The following TMEM232 variants were observed in gnomAD, a reference collection of about 807,000 sequenced individuals.
The protein encoded by TMEM232 is transmembrane protein 232.
TMEM232 carries 80 observed loss-of-function variants against 78.8 expected under a neutral mutation model. That is an observed-to-expected ratio of 1.01 (90% CI 0.85 to 1.22). TMEM232 has a LOEUF of 1.22. TMEM232 is among the 50% of genes most tolerant of loss of function. TMEM232 has a pLI of 0.00. For missense variants in TMEM232, 881 were observed against 742.2 expected (o/e 1.19, Z -2.17); for synonymous variants, 297 against 254.3 (o/e 1.17, Z -1.60).
chr5:110,631,021 A>C (rs1785054469), intron 5 of TMEM232, among the ~76,000 whole-genome samples: 1 of 152,080 alleles, frequency 6.6e-6, no homozygotes, highest in Non-Finnish European at 1.5e-5. Flanking sequence ...ACCATGTGAG[A>C]GTACAGCCAT....
chr5:110,504,291 T>C (rs191257714), intron 12 of TMEM232, among the ~76,000 whole-genome samples: 1 of 152,304 alleles, frequency 6.6e-6, no homozygotes, highest in East Asian at 1.9e-4. Context: ...TATTTTAATA[T>C]AGCTACTTGA....
intron 12 of TMEM232, among the ~76,000 whole-genome samples, chr5:110,435,890 G>T (rs1758378286): frequency 6.6e-6 from 1 of 151,876 alleles, no homozygotes; most frequent in South Asian, 2.1e-4. Context: ...TCTAAACCTT[G>T]GCTATTGTGA....
chr5:110,557,482 C>T (rs1254930444), intron 11 of TMEM232, among the ~76,000 whole-genome samples: 1 of 152,126 alleles, frequency 6.6e-6, no homozygotes, highest in Non-Finnish European at 1.5e-5. Context: ...TAACGAAATA[C>T]CTGAGCTGGA....
intron 1 of TMEM232, among the ~76,000 whole-genome samples, chr5:110,725,183 A>G (rs1314095021): frequency 6.6e-6 from 1 of 152,202 alleles, no homozygotes; most frequent in Non-Finnish European, 1.5e-5. Context: ...TACCTCGAAA[A>G]GCTTTCTGTT....
intron 1 of TMEM232, among the ~76,000 whole-genome samples, chr5:110,692,241 T>C (rs922515602): frequency 2.6e-5 from 4 of 152,204 alleles, no homozygotes; most frequent in South Asian, 2.1e-4. Context: ...TTGCACTGAC[T>C]GAGTCTGTGT....
At chr5:110,665,119 T>A (rs568283603) in intron 2 of TMEM232, among the ~76,000 whole-genome samples, 1 of 152,192 alleles carries the variant, frequency 6.6e-6, no homozygotes. Flanking sequence ...TTCTATTGTA[T>A]GTATACCATT....
rs558615594 is a variant in TMEM232, at chr5:110,549,376, G to A, written c.1455+19071C>T. Reference sequence around the variant, plus strand: ...AGGCCTGTAATCCCAGTGTTTTGAGGGGCTGAGGTGGGATGGTGGCTTGAG... The same window carrying A: ...AGGCCTGTAATCCCAGTGTTTTGAGAGGCTGAGGTGGGATGGTGGCTTGAG... On this transcript the variant is annotated intron_variant, in intron 11 of 13. Coordinates refer to ENST00000455884, the MANE Select transcript of TMEM232 (RefSeq NM_001039763.4). Among the ~76,000 whole-genome samples, 5 of 151,944 alleles carry A rather than the reference G, an allele frequency of 3.3e-5. No homozygotes were observed. The South Asian group carries it at 1.0e-3, about 32-fold the overall frequency.
intron 2 of TMEM232, among the ~76,000 whole-genome samples, chr5:110,643,907 C>T (rs145485663): frequency 6.6e-6 from 1 of 151,872 alleles, no homozygotes; most frequent in Non-Finnish European, 1.5e-5. Context: ...AATAATCAAC[C>T]CTTTAACTGC....
intron 10 of TMEM232, among the ~76,000 whole-genome samples, chr5:110,585,713 A>C (rs1266226906): frequency 6.6e-6 from 1 of 152,114 alleles, no homozygotes; most frequent in Non-Finnish European, 1.5e-5. Flanking sequence ...TCTGGGTGAC[A>C]GCTCAACCCA....
chr5:110,410,634 A>G (rs1755960293), intron 2 of TMEM232, among the ~76,000 whole-genome samples: 1 of 152,194 alleles, frequency 6.6e-6, no homozygotes, highest in African/African-American at 2.4e-5. Flanking sequence ...CCTTTCCAAT[A>G]ACAATAAAAG....
intron 5 of TMEM232, among the ~76,000 whole-genome samples, chr5:110,635,994 T>C (rs1580447966): frequency 6.6e-6 from 1 of 152,000 alleles, no homozygotes; most frequent in Non-Finnish European, 1.5e-5. Flanking sequence ...TTCACAATAG[T>C]AAAGATATGG....
chr5:110,530,629 A>C (rs1430490739), intron 11 of TMEM232, among the ~76,000 whole-genome samples: 4 of 152,246 alleles, frequency 2.6e-5, no homozygotes, highest in African/African-American at 9.6e-5. Flanking sequence ...CCAGGCACAG[A>C]AAGACAAATA....
chr5:110,622,195 A>G lies in TMEM232; in HGVS notation c.768+3072T>C, dbSNP rs551455565. Among the ~76,000 whole-genome samples, 11 of 152,340 alleles carry G rather than the reference A, an allele frequency of 7.2e-5. No individual in the cohort carries two copies. The South Asian group carries it at 2.3e-3, about 32-fold the overall frequency. ...TTCTAATAATTCCTAGTAACCATTTACAATTACAGGACAGCACAAAATGTC... is the reference window on the plus strand; with the variant it reads ...TTCTAATAATTCCTAGTAACCATTTGCAATTACAGGACAGCACAAAATGTC... On this transcript the variant is annotated intron_variant, in intron 7 of 13. Transcript: ENST00000455884.
chr5:110,661,092 C>T (rs2150103206), intron 2 of TMEM232, among the ~76,000 whole-genome samples: 1 of 152,260 alleles, frequency 6.6e-6, no homozygotes, highest in East Asian at 1.9e-4. Context: ...CGGTATTTGT[C>T]TTTCTGTGCC....
At position 110,703,015 on chromosome 5, in the gene TMEM232, C is replaced by CA. The variant is rs1265669582; in HGVS notation, c.-13+23611dup. ...CCTCCTCCTAGAAGCCATCCAATTA[C>CA]AAAAAAATAAGTGGCTATTACAATT... is the stretch of plus-strand genomic sequence containing the variant. On this transcript the variant is annotated intron_variant, in intron 1 of 13. Coordinates refer to ENST00000455884, the MANE Select transcript of TMEM232 (RefSeq NM_001039763.4). Among the ~76,000 whole-genome samples the CA allele has an allele frequency of 8.6e-5, 13 of 151,984 alleles. No individual in the cohort carries two copies. In the East Asian group the frequency reaches 2.1e-3, roughly 25 times the overall value.
At chr5:110,647,660 C>A (rs192225989) in intron 2 of TMEM232, among the ~76,000 whole-genome samples, 1 of 151,820 alleles carries the variant, frequency 6.6e-6, no homozygotes, top group Non-Finnish European at 1.5e-5. Flanking sequence ...GCAGTCAGCT[C>A]CTAAAGTTCA....
At chr5:110,610,519 C>A (rs1459613691) in intron 8 of TMEM232, 2 of 455,586 alleles carry the variant, frequency 4.4e-6, no homozygotes, top group Non-Finnish European at 8.8e-6. Flanking sequence ...AAAATGTAGA[C>A]CAGCAGCCAT....
At chr5:110,412,567 C>CTTTT (rs66505851) in intron 2 of TMEM232, among the ~76,000 whole-genome samples, 1 of 147,776 alleles carries the variant, frequency 6.8e-6, no homozygotes, top group African/African-American at 2.5e-5. Context: ...TAGCCAAACT[C>CTTTT]TTTTTTTTTT....
intron 1 of TMEM232, among the ~76,000 whole-genome samples, chr5:110,708,195 T>A (rs916780550): frequency 6.6e-6 from 1 of 152,138 alleles, no homozygotes; most frequent in Admixed American, 6.6e-5. Context: ...ATAGCAGGGA[T>A]AGAGCAACAA....
Sources: gnomAD v4.1 joint callset for allele counts (sites outside exome capture counted in the v4.1 genomes callset) on GRCh38, gnomAD v4.1.1 for gene constraint, MANE v1.5 for transcripts, NCBI Gene and HGNC (gene_info 2026-07-23, HGNC 2026-07-21) for gene names.